The following MAGI2 variants were observed in gnomAD, a reference collection of about 807,000 sequenced individuals.
The protein encoded by MAGI2 is membrane-associated guanylate kinase, WW and PDZ domain-containing protein 2.
MAGI2 carries 35 observed loss-of-function variants against 133.3 expected under a neutral mutation model. The observed-to-expected ratio is 0.26, with a 90% confidence interval of 0.20 to 0.35. The LOEUF is 0.35. Among genes scored for constraint, MAGI2 ranks in the 10% least tolerant of loss-of-function variants. The pLI is 1.00. For missense variants in MAGI2, 1,636 were observed against 1,863.4 expected, an observed-to-expected ratio of 0.88 and a Z score of 2.25; for synonymous variants, 729 against 710.6, an observed-to-expected ratio of 1.03 and a Z score of -0.41.
chr7:78,195,885 C>T (rs117165683), intron 11 of MAGI2, among the ~76,000 whole-genome samples: 2,548 of 152,324 alleles, frequency 0.017, 27 homozygotes, highest in South Asian at 0.028. Context: ...TCAACTGATG[C>T]CTCATTCAAA....
At chr7:79,139,164 T>C (rs534358052) in intron 1 of MAGI2, among the ~76,000 whole-genome samples, 1 of 152,096 alleles carries the variant, frequency 6.6e-6, no homozygotes, top group South Asian at 2.1e-4. Flanking sequence ...AATATAAATT[T>C]CAATTATTTC....
At chr7:79,129,865 A>G (rs1820756260) in intron 1 of MAGI2, among the ~76,000 whole-genome samples, 1 of 152,238 alleles carries the variant, frequency 6.6e-6, no homozygotes, top group Non-Finnish European at 1.5e-5. Context: ...GTCAGCAATG[A>G]AATGCTGCAC....
At chr7:78,252,339 A>ATCT (rs1210598443) in intron 10 of MAGI2, 3 of 152,110 alleles carry the variant, frequency 2.0e-5, no homozygotes, top group Non-Finnish European at 2.9e-5. Flanking sequence ...TCAATGGAAC[A>ATCT]GAATAGGGCA....
chr7:78,639,954 A>C (rs184926736), intron 2 of MAGI2, among the ~76,000 whole-genome samples: 40 of 152,332 alleles, frequency 2.6e-4, no homozygotes, highest in Admixed American at 1.2e-3. Context: ...ATGCCTCTGA[A>C]GGGATAAAAA....
At chr7:78,644,906 A>T (rs1436147069) in intron 2 of MAGI2, among the ~76,000 whole-genome samples, 1 of 152,194 alleles carries the variant, frequency 6.6e-6, no homozygotes. Flanking sequence ...GAATATACAA[A>T]TTATCAGTAT....
intron 4 of MAGI2, among the ~76,000 whole-genome samples, chr7:78,506,853 T>TA (rs1795135019): frequency 6.6e-6 from 1 of 152,174 alleles, no homozygotes; most frequent in African/African-American, 2.4e-5. Context: ...AAGCTTGGCT[T>TA]TGGACAAATG....
At chr7:79,117,445 A>T (rs1048021280) in intron 1 of MAGI2, among the ~76,000 whole-genome samples, 1 of 152,188 alleles carries the variant, frequency 6.6e-6, no homozygotes, top group African/African-American at 2.4e-5. Flanking sequence ...ATGATTTTTA[A>T]TTAGGGACCA....
chr7:78,585,323 G>A (rs535747565), intron 3 of MAGI2, among the ~76,000 whole-genome samples: 2 of 152,192 alleles, frequency 1.3e-5, no homozygotes, highest in South Asian at 4.1e-4. Context: ...TCTTACAAGG[G>A]TTATCAGAAT....
chr7:78,108,403 T>C (rs569414893), intron 20 of MAGI2, among the ~76,000 whole-genome samples: 1 of 152,340 alleles, frequency 6.6e-6, no homozygotes, highest in Admixed American at 6.5e-5. Flanking sequence ...ATATGGTCTA[T>C]TCTTGAAAAT....
chr7:78,743,345 T>A (rs1409693983), intron 2 of MAGI2, among the ~76,000 whole-genome samples: 1 of 152,224 alleles, frequency 6.6e-6, no homozygotes, highest in Non-Finnish European at 1.5e-5. Context: ...ACTACACAAG[T>A]GCTAAATGGT....
intron 6 of MAGI2, among the ~76,000 whole-genome samples, chr7:78,424,410 G>T (rs1488771800): frequency 6.6e-6 from 1 of 152,194 alleles, no homozygotes; most frequent in Non-Finnish European, 1.5e-5. Context: ...CCTTCATGGA[G>T]AACCTCTGCT....
intron 1 of MAGI2, among the ~76,000 whole-genome samples, chr7:79,028,301 A>ATATATATATATGTATGTG (rs1810190998): frequency 9.9e-6 from 1 of 100,560 alleles, no homozygotes; most frequent in African/African-American, 3.8e-5. Flanking sequence ...ATGTGTGTAT[A>ATATATATATATGTATGTG]TATATATATA....
At chr7:79,090,428 G>A (rs1032566941) in intron 1 of MAGI2, among the ~76,000 whole-genome samples, 1 of 152,054 alleles carries the variant, frequency 6.6e-6, no homozygotes, top group African/African-American at 2.4e-5. Flanking sequence ...AAGAAAAGAT[G>A]GATCCTGAGG....
At chr7:79,000,826 G>C (rs1436064588) in intron 2 of MAGI2, among the ~76,000 whole-genome samples, 1 of 152,162 alleles carries the variant, frequency 6.6e-6, no homozygotes, top group Non-Finnish European at 1.5e-5. Context: ...ACACTATTGT[G>C]AGTTACAATC....
rs764752881 is a variant in MAGI2 at position 78,120,065 on chromosome 7, G to A, written c.3567+5629C>T. 3.9e-4 allele frequency among the ~76,000 whole-genome samples: 60 copies of A among 152,250 alleles called. No individual in the cohort carries two copies. The Middle Eastern group carries it at 0.01, about 26-fold the overall frequency. ...TGTAAATTTTTCCATATTTATACAT[G>A]GATTTCAAGCAATTCCAATAAAATT... On this transcript the variant is annotated intron_variant, in intron 20 of 21. Transcript: ENST00000354212.
intron 16 of MAGI2, among the ~76,000 whole-genome samples, chr7:78,139,790 T>A (rs1181021971): frequency 6.6e-6 from 1 of 152,230 alleles, no homozygotes; most frequent in Non-Finnish European, 1.5e-5. Flanking sequence ...TCCTTTTAAT[T>A]GAAAATCTCA....
chr7:78,669,509 C>T (rs1487074492), intron 2 of MAGI2, among the ~76,000 whole-genome samples: 1 of 152,102 alleles, frequency 6.6e-6, no homozygotes, highest in African/African-American at 2.4e-5. Flanking sequence ...GGAGCTGGTA[C>T]CATTACTTCT....
At chr7:79,061,424 C>T (rs1392650311) in intron 1 of MAGI2, among the ~76,000 whole-genome samples, 1 of 151,498 alleles carries the variant, frequency 6.6e-6, no homozygotes, top group Non-Finnish European at 1.5e-5. Flanking sequence ...GAAGTGCTGT[C>T]GGAGATATTT....
At chr7:79,251,865 T>TAA (rs1484216528) in intron 1 of MAGI2, among the ~76,000 whole-genome samples, 40 of 151,804 alleles carry the variant, frequency 2.6e-4, no homozygotes, top group African/African-American at 8.4e-4. Flanking sequence ...ATGAATGGAT[T>TAA]TAAAAAAAAA....
Sources: gnomAD v4.1 joint callset for allele counts (sites outside exome capture counted in the v4.1 genomes callset) on GRCh38, gnomAD v4.1.1 for gene constraint, MANE v1.5 for transcripts, NCBI Gene and HGNC (gene_info 2026-07-23, HGNC 2026-07-21) for gene names.